COLEC10: variants seen among roughly 807,000 people sequenced by gnomAD.
COLEC10 encodes the protein collectin-10.
A neutral mutation model predicts 28.4 loss-of-function variants in COLEC10; 22 were observed. The observed-to-expected ratio is 0.78, with a 90% CI of 0.55 to 1.11. COLEC10 has a LOEUF of 1.11. Among genes scored for constraint, COLEC10 ranks in the 50% least tolerant of loss-of-function variants. The pLI is 0.00. For synonymous variants in COLEC10, 125 were observed against 116.1 expected (o/e 1.08, Z -0.49); for missense variants, 361 against 344.1 (o/e 1.05, Z -0.39).
At chr8:118,962,736 G>A in the COLEC10 span, among the ~76,000 whole-genome samples, 1 of 152,082 alleles carries the variant, frequency 6.6e-6, no homozygotes, top group Non-Finnish European at 1.5e-5. Flanking sequence ...AGCATAATGG[G>A]AACTTAAGAC....
intron 2 of COLEC10, among the ~76,000 whole-genome samples, chr8:119,033,900 CA>C (rs2130134294): frequency 6.6e-6 from 1 of 152,236 alleles, no homozygotes; most frequent in Non-Finnish European, 1.5e-5. Flanking sequence ...GATATATACC[CA>C]AAGGTTTATA....
At position 119,062,199 on chromosome 8, in the gene COLEC10, G is replaced by A. The variant is rs559162337; in HGVS notation, n.236-27481G>A. ...TAAAAGAAGGAAAATATGTGTGGAA[G>A]ATGTAGACCTAGGAATGAGAGAGAC... On this transcript the variant is annotated intron_variant and non_coding_transcript_variant, in intron 2 of 6. Coordinates refer to the COLEC10 transcript ENST00000521788. 2.3e-3 allele frequency among the ~76,000 whole-genome samples: 354 copies of A among 152,130 alleles called. 2 individuals are homozygous for A. Among genetic ancestry groups the A allele is most frequent in the African/African-American group, 7.9e-3 (330 of 41,522 alleles).
At chr8:119,029,456 G>A (rs907811682) in intron 2 of COLEC10, among the ~76,000 whole-genome samples, 1 of 152,068 alleles carries the variant, frequency 6.6e-6, no homozygotes, top group East Asian at 1.9e-4. Flanking sequence ...TAGGAGTCAG[G>A]ACCGTAGGTA....
chr8:119,048,383 G>A (rs906607805), intron 2 of COLEC10, among the ~76,000 whole-genome samples: 1 of 152,158 alleles, frequency 6.6e-6, no homozygotes, highest in Non-Finnish European at 1.5e-5. Flanking sequence ...CAAGTGTCAA[G>A]TTTAAATCCA....
At chr8:119,031,430 G>C (rs1303244391) in intron 2 of COLEC10, among the ~76,000 whole-genome samples, 2 of 152,220 alleles carry the variant, frequency 1.3e-5, no homozygotes, top group Non-Finnish European at 2.9e-5. Flanking sequence ...AGGGAAATGA[G>C]AATAGGGTGG....
At chr8:119,030,010 C>G (rs1814259740) in intron 2 of COLEC10, among the ~76,000 whole-genome samples, 1 of 152,044 alleles carries the variant, frequency 6.6e-6, no homozygotes, top group South Asian at 2.1e-4. Flanking sequence ...GGAAAATGTC[C>G]CTACTCATCC....
intron 2 of COLEC10, among the ~76,000 whole-genome samples, chr8:119,018,407 C>T (rs989794244): frequency 6.6e-6 from 1 of 152,132 alleles, no homozygotes; most frequent in African/African-American, 2.4e-5. Flanking sequence ...GTTTCTACTA[C>T]CCCAAGGGGA....
intron 2 of COLEC10, among the ~76,000 whole-genome samples, chr8:119,040,309 C>T (rs977943782): frequency 2.0e-5 from 3 of 152,168 alleles, no homozygotes; most frequent in South Asian, 2.1e-4. Context: ...TTTTGTTTTT[C>T]GTGACCTATC....
At chr8:119,091,085 C>A in intron 2 of COLEC10, 64 bp from the exon 3 acceptor site, 1 of 1,272,638 alleles carries the variant, frequency 7.9e-7, no homozygotes, top group Non-Finnish European at 1.1e-6. Flanking sequence ...GTGAATATCA[C>A]ATTAGCCACA....
At chr8:119,074,687 AG>A (rs1303129943) in intron 1 of COLEC10, among the ~76,000 whole-genome samples, 2 of 152,172 alleles carry the variant, frequency 1.3e-5, no homozygotes, top group Non-Finnish European at 2.9e-5. Flanking sequence ...GCCTGTTTTC[AG>A]TCTTACTCCA....
In COLEC10 at chr8:119,089,341, G is replaced by C. The variant is rs142005400; in HGVS notation, c.149-339G>C. 3.0e-3 allele frequency among the ~76,000 whole-genome samples: 464 copies of C among 152,168 alleles called. 1 individual carries two copies. The highest frequency in any genetic ancestry group is 5.5e-3 in the Non-Finnish European group (374 of 68,014). ...TGTGCCTCTGTGTGTGTGTGTGTGC[G>C]TGTGTGTTTGTGTAAATTTTATGTT... On this transcript the variant is annotated intron_variant, in intron 1 of 5. Transcript: ENST00000332843.
chr8:119,032,979 G>A (rs10085915), intron 2 of COLEC10, among the ~76,000 whole-genome samples: 19,117 of 152,154 alleles, frequency 0.13, 1,284 homozygotes, highest in Middle Eastern at 0.23. Context: ...ATTCAGAAAC[G>A]GGCTTTTTTT....
intron 3 of COLEC10, among the ~76,000 whole-genome samples, chr8:119,098,773 T>G (rs1815767765): frequency 1.3e-5 from 2 of 152,124 alleles, no homozygotes; most frequent in Admixed American, 1.3e-4. Context: ...TATTAAGATT[T>G]TCTTCCTCTC....
At chr8:119,031,835 T>C (rs1012215221) in intron 2 of COLEC10, among the ~76,000 whole-genome samples, 6 of 152,226 alleles carry the variant, frequency 3.9e-5, no homozygotes, top group African/African-American at 1.4e-4. Flanking sequence ...TGAAAATTTG[T>C]AGAAATAAAT....
chr8:119,062,620 C>T (rs1248561254), upstream of COLEC10, among the ~76,000 whole-genome samples: 1 of 152,034 alleles, frequency 6.6e-6, no homozygotes, highest in African/African-American at 2.4e-5. Flanking sequence ...GCTGGTACTA[C>T]AAGCATGTGT....
chr8:119,051,436 T>G (rs986410307), intron 2 of COLEC10, among the ~76,000 whole-genome samples: 2 of 152,182 alleles, frequency 1.3e-5, no homozygotes, highest in Non-Finnish European at 2.9e-5. Flanking sequence ...ATGAAGAAGA[T>G]GGAGATAATT....
intron 2 of COLEC10, among the ~76,000 whole-genome samples, chr8:119,056,817 A>G (rs542269670): frequency 1.3e-5 from 2 of 152,070 alleles, no homozygotes; most frequent in Non-Finnish European, 2.9e-5. Flanking sequence ...GATAGTTCCA[A>G]ACTCCTCAGC....
chr8:119,039,159 A>T (rs1474283304), intron 2 of COLEC10, among the ~76,000 whole-genome samples: 1 of 151,988 alleles, frequency 6.6e-6, no homozygotes, highest in Non-Finnish European at 1.5e-5. Flanking sequence ...GGGGTGCTCT[A>T]GAGCTTTCCT....
chr8:119,087,183 C>T (rs187036706), intron 1 of COLEC10, among the ~76,000 whole-genome samples: 1 of 152,278 alleles, frequency 6.6e-6, no homozygotes, highest in Admixed American at 6.5e-5. Flanking sequence ...TTCAGTTCAA[C>T]TACATTTATT....
Sources: gnomAD v4.1 joint callset for allele counts (sites outside exome capture counted in the v4.1 genomes callset) on GRCh38, gnomAD v4.1.1 for gene constraint, MANE v1.5 for transcripts, NCBI Gene and HGNC (gene_info 2026-07-23, HGNC 2026-07-21) for gene names.